Variants in NLGN1 observed in about 807,000 individuals in gnomAD.
NLGN1 encodes the protein neuroligin-1.
In NLGN1, 12 loss-of-function variants were observed where a neutral mutation model predicts 65.5. The ratio of observed to expected loss-of-function variants is 0.18; its 90% confidence interval spans 0.12 to 0.30. The LOEUF (loss-of-function observed/expected upper bound fraction) is 0.30, where lower values mean the gene tolerates loss of function less well. Ranked by LOEUF, NLGN1 falls within the 10% of genes least tolerant of loss-of-function variation. NLGN1 has a pLI of 1.00. For missense variants in NLGN1, 750 were observed against 1,007.1 expected, an observed-to-expected ratio of 0.74 and a Z score of 3.46; for synonymous variants, 350 against 359.5, an observed-to-expected ratio of 0.97 and a Z score of 0.30.
chr3:173,937,841 A>G (rs554026807), intron 4 of NLGN1, among the ~76,000 whole-genome samples: 3 of 152,208 alleles, frequency 2.0e-5, no homozygotes, highest in Non-Finnish European at 2.9e-5. Flanking sequence ...TCAATTATGT[A>G]TGAAGATATA....
At chr3:173,633,938 C>T (rs1358636959) in intron 3 of NLGN1, among the ~76,000 whole-genome samples, 1 of 152,118 alleles carries the variant, frequency 6.6e-6, no homozygotes, top group African/African-American at 2.4e-5. Context: ...ACTCACAACA[C>T]TGTAAGGCAT....
intron 2 of NLGN1, among the ~76,000 whole-genome samples, chr3:173,478,914 A>C (rs1160134374): frequency 6.6e-6 from 1 of 150,870 alleles, no homozygotes; most frequent in Non-Finnish European, 1.5e-5. Flanking sequence ...AAAGAAAAAG[A>C]AAAAGAAAGA....
At chr3:173,866,619 C>T (rs1055488629) in intron 4 of NLGN1, among the ~76,000 whole-genome samples, 4 of 152,040 alleles carry the variant, frequency 2.6e-5, no homozygotes, top group African/African-American at 7.2e-5. Context: ...AAGTTTACAT[C>T]GATATCAAAT....
At chr3:173,794,680 A>G (rs889262559) in intron 3 of NLGN1, among the ~76,000 whole-genome samples, 1 of 152,208 alleles carries the variant, frequency 6.6e-6, no homozygotes, top group African/African-American at 2.4e-5. Flanking sequence ...TGTAATAAAA[A>G]TCAAACAAAT....
intron 4 of NLGN1, among the ~76,000 whole-genome samples, chr3:174,148,582 A>G (rs1723771768): frequency 6.6e-6 from 1 of 152,204 alleles, no homozygotes; most frequent in African/African-American, 2.4e-5. Flanking sequence ...CTAGCACTTA[A>G]TCGTCTCCTC....
At chr3:174,009,320 A>T (rs1725053870) in intron 4 of NLGN1, among the ~76,000 whole-genome samples, 1 of 152,148 alleles carries the variant, frequency 6.6e-6, no homozygotes, top group Non-Finnish European at 1.5e-5. Context: ...TGGTGGAAGG[A>T]AATGAGGGGT....
At chr3:173,861,972 T>C (rs1312888265) in intron 4 of NLGN1, among the ~76,000 whole-genome samples, 3 of 151,958 alleles carry the variant, frequency 2.0e-5, no homozygotes, top group Non-Finnish European at 4.4e-5. Flanking sequence ...TTTTACCATG[T>C]TGGCCAGGCT....
intron 4 of NLGN1, among the ~76,000 whole-genome samples, chr3:174,074,043 G>A (rs1740423139): frequency 1.3e-5 from 2 of 152,162 alleles, no homozygotes; most frequent in Admixed American, 1.3e-4. Context: ...GTCTGTTACA[G>A]TATGCAGGAA....
At chr3:174,053,096 T>C (rs1437368027) in intron 4 of NLGN1, among the ~76,000 whole-genome samples, 1 of 152,034 alleles carries the variant, frequency 6.6e-6, no homozygotes, top group Non-Finnish European at 1.5e-5. Context: ...AGCAATATTA[T>C]CATTTTAGGG....
chr3:174,167,801 A>G (rs1334351941), intron 4 of NLGN1, among the ~76,000 whole-genome samples: 2 of 151,734 alleles, frequency 1.3e-5, no homozygotes, highest in African/African-American at 2.4e-5. Flanking sequence ...ATGTTTTTCA[A>G]GTTGTTTGCT....
At chr3:173,959,127 C>A (rs1712906912) in intron 4 of NLGN1, among the ~76,000 whole-genome samples, 2 of 152,220 alleles carry the variant, frequency 1.3e-5, no homozygotes, top group Admixed American at 6.5e-5. Flanking sequence ...CAGCTGTGCC[C>A]AGGAGGGCAG....
chr3:173,427,339 TC>T (rs1716291445), intron 1 of NLGN1, among the ~76,000 whole-genome samples: 1 of 151,994 alleles, frequency 6.6e-6, no homozygotes, highest in Non-Finnish European at 1.5e-5. Context: ...TTAGTATTTT[TC>T]CTTCTATGAA....
exon 7 of NLGN1, chr3:174,282,570 A>G (rs1014954641): frequency 1.3e-5 from 2 of 152,178 alleles, no homozygotes; most frequent in African/African-American, 4.8e-5. Context: ...CATCTGGAGG[A>G]TTTTAGTCTT....
chr3:174,257,127 T>A (rs1490208118), intron 4 of NLGN1, among the ~76,000 whole-genome samples: 1 of 152,126 alleles, frequency 6.6e-6, no homozygotes, highest in African/African-American at 2.4e-5. Context: ...AAAGAAGACA[T>A]AAATGCAGCC....
intron 3 of NLGN1, among the ~76,000 whole-genome samples, chr3:173,636,373 C>G (rs1756599238): frequency 6.6e-6 from 1 of 152,114 alleles, no homozygotes; most frequent in Non-Finnish European, 1.5e-5. Context: ...GGTTCTATTC[C>G]TTCAAGGAAA....
rs745827071 is a variant in NLGN1, at chr3:174,053,678, C to G, written c.647-221637C>G. Among the ~76,000 whole-genome samples the G allele has an allele frequency of 2.6e-5, 4 of 151,954 alleles. 1 individual carries two copies. In the East Asian group the frequency reaches 7.8e-4, roughly 29 times the overall value. On this transcript the variant is annotated intron_variant, in intron 4 of 6. Transcript: ENST00000457714. ...CTTCAACTCTTCCTTTCCCTGCTTT[C>G]TTTCTTACTCGAGCCATCTTGTGTC...
At chr3:173,808,550 C>T (rs1717174992) in intron 4 of NLGN1, among the ~76,000 whole-genome samples, 1 of 151,972 alleles carries the variant, frequency 6.6e-6, no homozygotes, top group Non-Finnish European at 1.5e-5. Context: ...GATAAACTTG[C>T]TATTCTAGCA....
intron 3 of NLGN1, among the ~76,000 whole-genome samples, chr3:173,747,401 T>A (rs980971081): frequency 6.1e-5 from 9 of 146,870 alleles, no homozygotes; most frequent in African/African-American, 2.0e-4. Flanking sequence ...TATTTAAATA[T>A]ATATATAATA....
chr3:173,972,130 A>G (rs1474872049), intron 4 of NLGN1, among the ~76,000 whole-genome samples: 1 of 152,140 alleles, frequency 6.6e-6, no homozygotes, highest in Non-Finnish European at 1.5e-5. Context: ...ACATTAACAA[A>G]GTAAGAATAT....
Sources: allele counts gnomAD v4.1 joint callset (sites outside exome capture counted in the v4.1 genomes callset), GRCh38; gene constraint gnomAD v4.1.1; transcripts MANE v1.5; gene names NCBI Gene and HGNC (gene_info 2026-07-23, HGNC 2026-07-21).